Variants in GAR1 observed in about 807,000 individuals in gnomAD.
GAR1 encodes the protein GAR1 ribonucleoprotein, also known as H/ACA ribonucleoprotein complex subunit 1.
In GAR1, 11 loss-of-function variants were observed where a neutral mutation model predicts 29.3. That is an observed-to-expected ratio of 0.38 (90% confidence interval 0.24 to 0.62). GAR1 has a LOEUF of 0.62. GAR1 is among the 20% of genes least tolerant of loss of function. The pLI, the probability that GAR1 is intolerant of heterozygous loss-of-function variation, is 0.62. For synonymous variants in GAR1, 87 were observed against 93.3 expected (o/e 0.93, Z 0.39); for missense variants, 237 against 268.4 (o/e 0.88, Z 0.82).
intron 4 of GAR1, among the ~76,000 whole-genome samples, 179 bp from the exon 5 acceptor site, chr4:109,822,168 A>AT (rs2125889981): frequency 6.6e-6 from 1 of 151,194 alleles, no homozygotes; most frequent in Non-Finnish European, 1.5e-5. Context: ...AAAAAAAAAA[A>AT]AAAAAAAAAA....
At chr4:109,823,235 G>A (rs575140612) in intron 5 of GAR1, among the ~76,000 whole-genome samples, 2 of 152,300 alleles carry the variant, frequency 1.3e-5, no homozygotes, top group East Asian at 1.9e-4. Context: ...AGTGGAAAGG[G>A]AGAGGAGCTG....
At chr4:109,821,160 T>C (rs1279443645) in intron 4 of GAR1, among the ~76,000 whole-genome samples, 1 of 152,226 alleles carries the variant, frequency 6.6e-6, no homozygotes, top group African/African-American at 2.4e-5. Context: ...CCACTTGAAC[T>C]TTTTGTAGTG....
chr4:109,822,540 T>A (rs1379143452), intron 5 of GAR1, 52 bp downstream of exon 5: 1 of 1,554,498 alleles, frequency 6.4e-7, no homozygotes. Flanking sequence ...CTTTCACAGC[T>A]AATTCATACA....
chr4:109,818,104 T>C lies in GAR1; in HGVS notation c.369+14T>C. The C allele has an allele frequency of 6.4e-7, 1 of 1,573,676 alleles. No homozygotes were observed. Among genetic ancestry groups the C allele is most frequent in the Admixed American group, 1.9e-5 (1 of 53,086 alleles). ...CTCAGAGATTTTGTATCCTTTTTCATTGGAAGGCCTGATAATATTCAAAGG... is the reference window on the plus strand; with the variant it reads ...CTCAGAGATTTTGTATCCTTTTTCACTGGAAGGCCTGATAATATTCAAAGG... On this transcript the variant is annotated intron_variant, in intron 3 of 6. Coordinates refer to ENST00000226796, the MANE Select transcript of GAR1 (RefSeq NM_018983.4).
At chr4:109,823,198 G>A (rs1315295334) in intron 5 of GAR1, among the ~76,000 whole-genome samples, 6 of 152,164 alleles carry the variant, frequency 3.9e-5, no homozygotes, top group African/African-American at 4.8e-5. Flanking sequence ...GGAGAAGGGC[G>A]AGTGATGGGG....
chr4:109,817,732 G>T (rs953068316), intron 2 of GAR1, among the ~76,000 whole-genome samples: 10 of 152,166 alleles, frequency 6.6e-5, no homozygotes, highest in African/African-American at 2.4e-4. Context: ...TAGAGAGAGG[G>T]TGGGTAACTT....
intron 2 of GAR1, 86 bp downstream of exon 2, chr4:109,816,464 C>T (rs878940045): frequency 1.6e-6 from 2 of 1,262,716 alleles, no homozygotes; most frequent in Middle Eastern, 2.2e-4. Context: ...TTGGGATACA[C>T]AAGCCTGTGT....
At chr4:109,815,745 G>C (rs1482498038), upstream of GAR1, 1 of 182,298 alleles carries the variant, frequency 5.5e-6, no homozygotes, top group Non-Finnish European at 1.2e-5. Flanking sequence ...CCAGCGCGGC[G>C]GAAGTACCCC....
rs1378862711 is a variant in GAR1, at chr4:109,816,156, GGA to G, written c.-2_-1del. ...TAGGTCGTTTTTTTTTCATCAGGGA[GGA>G]GAGAGAATGTCTTTTCGAGGCGGAG... On this transcript the variant is annotated 5_prime_UTR_variant, in exon 2 of 7. Transcript: ENST00000226796. 6.2e-7 allele frequency: 1 copy of G among 1,610,984 alleles called. No individual in the cohort carries two copies. The highest frequency in any genetic ancestry group is 1.3e-5 in the African/African-American group (1 of 74,768).
chr4:109,820,743 A>C (rs1579353407), intron 4 of GAR1, among the ~76,000 whole-genome samples: 1 of 152,222 alleles, frequency 6.6e-6, no homozygotes, highest in East Asian at 1.9e-4. Flanking sequence ...TGGGCCCGGG[A>C]GCCAGAATGG....
chr4:109,818,962 C>G, intron 3 of GAR1, 39 bp from the exon 4 acceptor site: 1 of 831,654 alleles, frequency 1.2e-6, no homozygotes, highest in Admixed American at 2.0e-5. Context: ...TATCATCTTT[C>G]ATCTTAATTG....
chr4:109,818,319 C>A (rs956766034), intron 3 of GAR1, among the ~76,000 whole-genome samples: 3 of 151,908 alleles, frequency 2.0e-5, no homozygotes, highest in Admixed American at 6.6e-5. Flanking sequence ...TAATGATGGC[C>A]ATTTGGATAA....
chr4:109,824,661 G>T lies in GAR1; in HGVS notation c.*230G>T. The T allele has an allele frequency of 4.8e-6, 2 of 418,296 alleles. No individual in the cohort carries two copies. Among genetic ancestry groups the T allele is most frequent in the South Asian group, 8.4e-5 (1 of 11,886 alleles). 25.9% of individuals were successfully genotyped at this position (418,296 alleles called of 1,614,324 possible). On this transcript the variant is annotated 3_prime_UTR_variant, in exon 7 of 7. Coordinates refer to ENST00000226796, the MANE Select transcript of GAR1 (RefSeq NM_018983.4). The stretch of plus-strand genomic sequence containing the variant: ...TTTTGTACAGTGCCTGGCACTCTGT[G>T]GGTGCTCAATAAATGGATAGGAGTT...
Position 109,824,456 on chromosome 4 carries a change from A to G in GAR1, c.*25A>G, listed in dbSNP as rs775550018. 5.5e-5 allele frequency: 86 copies of G among 1,555,780 alleles called. No individual in the cohort carries two copies. The South Asian group carries it at 7.7e-4, about 14-fold the overall frequency. On this transcript the variant is annotated 3_prime_UTR_variant, in exon 7 of 7. Transcript: ENST00000226796. ...AGTGAAACAGTTGACAGACATCACC[A>G]GTTGACTTCTGCATTAACCTGCATG...
intron 4 of GAR1, 117 bp downstream of exon 4, chr4:109,819,177 A>G (rs1413855291): frequency 1.3e-6 from 1 of 750,456 alleles, no homozygotes; most frequent in Non-Finnish European, 2.5e-6. Flanking sequence ...AAAGCTCTTA[A>G]ATTGAAATGT....
chr4:109,818,171 T>G, intron 3 of GAR1, 81 bp downstream of exon 3: 1 of 987,116 alleles, frequency 1.0e-6, no homozygotes, highest in Non-Finnish European at 1.5e-6. Context: ...AAGTATAAAT[T>G]AAAGTTGTTG....
At position 109,818,034 on chromosome 4, in the gene GAR1, G is replaced by C. The variant is rs527610334; in HGVS notation, c.313G>C (p.Glu105Gln). The change falls in exon 3 of 7, where the codon GAA (glutamate) becomes CAA (glutamine). Residue 105 changes from glutamate to glutamine, a missense_variant. Glu to Gln is a conservative substitution (Grantham distance 29). Transcript: ENST00000226796. ...VPYFNAPVYL[E>Q]NKEQIGKVDE... The stretch of plus-strand genomic sequence containing the variant: ...TTATTTCAATGCTCCTGTTTACTTA[G>C]AAAACAAAGAACAAATTGGAAAAGT... The C allele has an allele frequency of 8.9e-5, 143 of 1,607,244 alleles. 1 individual carries two copies. In the South Asian group the frequency reaches 1.0e-3, roughly 12 times the overall value.
intron 4 of GAR1, among the ~76,000 whole-genome samples, chr4:109,821,051 T>A (rs1733500291): frequency 6.6e-6 from 1 of 152,206 alleles, no homozygotes; most frequent in Admixed American, 6.5e-5. Context: ...CTAACTTGAG[T>A]ACATTCTACC....
chr4:109,816,494 G>A, intron 2 of GAR1, 116 bp downstream of exon 2: 2 of 960,460 alleles, frequency 2.1e-6, no homozygotes, highest in Non-Finnish European at 1.6e-6. Context: ...AGCATGTAAG[G>A]GTGGAGTGGG....
Sources: allele counts gnomAD v4.1 joint callset (sites outside exome capture counted in the v4.1 genomes callset), GRCh38; gene constraint gnomAD v4.1.1; transcripts MANE v1.5; gene names NCBI Gene and HGNC (gene_info 2026-07-23, HGNC 2026-07-21).